Variants in MYO18A observed in about 807,000 individuals in gnomAD.
The protein encoded by MYO18A is unconventional myosin-XVIIIa.
MYO18A carries 78 observed loss-of-function variants against 235.8 expected under a neutral mutation model. The ratio of observed to expected loss-of-function variants is 0.33; its 90% CI spans 0.28 to 0.40. The LOEUF (loss-of-function observed/expected upper bound fraction) is 0.40, where lower values mean the gene tolerates loss of function less well. Ranked by LOEUF, MYO18A falls within the 10% of genes least tolerant of loss-of-function variation. The pLI is 1.00. For missense variants in MYO18A, 2,215 were observed against 2,699.3 expected, an observed-to-expected ratio of 0.82 and a Z score of 3.98; for synonymous variants, 977 against 1,077.8, an observed-to-expected ratio of 0.91 and a Z score of 1.83.
chr17:29,086,692 C>T (rs2066261350), intron 38 of MYO18A, 115 bp from the exon 39 acceptor site: 5 of 1,385,576 alleles, frequency 3.6e-6, no homozygotes, highest in Non-Finnish European at 4.8e-6. Flanking sequence ...AGGGCTGACA[C>T]AGGCTGCCAG....
At chr17:29,156,604 G>A (rs567780416) in intron 2 of MYO18A, among the ~76,000 whole-genome samples, 13 of 152,338 alleles carry the variant, frequency 8.5e-5, no homozygotes, top group Admixed American at 7.2e-4. Flanking sequence ...CTGGAAGACC[G>A]AACAGAGAGA....
chr17:29,093,095 T>C, intron 32 of MYO18A, 94 bp from the exon 33 acceptor site: 3 of 1,472,822 alleles, frequency 2.0e-6, no homozygotes, highest in Non-Finnish European at 2.7e-6. Context: ...TCATTATCAG[T>C]GTCCCCATAA....
At chr17:29,112,311 G>A (rs188442090) in intron 15 of MYO18A, among the ~76,000 whole-genome samples, 25 of 152,346 alleles carry the variant, frequency 1.6e-4, no homozygotes, top group African/African-American at 5.8e-4. Context: ...CAGCTGTGAG[G>A]TTAATCCTGG....
intron 2 of MYO18A, among the ~76,000 whole-genome samples, chr17:29,139,970 A>T (rs2067697587): frequency 2.0e-5 from 3 of 152,152 alleles, no homozygotes; most frequent in Admixed American, 6.5e-5. Context: ...GGAAGAAAAC[A>T]GTGTTCTAAG....
At chr17:29,133,825 T>A in intron 2 of MYO18A, 2 of 1,289,294 alleles carry the variant, frequency 1.6e-6, no homozygotes, top group African/African-American at 1.5e-5. Context: ...CGAACCTTGA[T>A]GAAAAGGCCA....
rs1347075326 is a variant in MYO18A at position 29,072,012 on chromosome 17, T to C, written c.*2758A>G. The C allele has an allele frequency of 1.3e-5, 2 of 152,146 alleles. No homozygotes were observed. The highest frequency in any genetic ancestry group is 2.9e-5 in the Non-Finnish European group (2 of 68,028). The allele number at this position is 152,146 out of a possible 1,614,324, so 9.4% of individuals were successfully genotyped here. On this transcript the variant is annotated 3_prime_UTR_variant, in exon 42 of 42. Coordinates refer to ENST00000527372, the MANE Select transcript of MYO18A (RefSeq NM_078471.4). ...AAGCTTTTTACCCCAGGCCGGGTTA[T>C]TGGAGGTTGATGTTGGAGTTTCCAG...
intron 2 of MYO18A, among the ~76,000 whole-genome samples, chr17:29,124,479 G>A (rs1465445242): frequency 5.9e-5 from 9 of 152,278 alleles, no homozygotes; most frequent in Admixed American, 2.6e-4. Flanking sequence ...TCAAGCTCCC[G>A]GCACTACCTC....
chr17:29,166,910 T>A lies in MYO18A; in HGVS notation c.31A>T (p.Lys11Ter). 1 of 1,548,486 alleles carries A rather than the reference T, an allele frequency of 6.5e-7. No homozygotes were observed. Among genetic ancestry groups the A allele is most frequent in the Non-Finnish European group, 8.7e-7 (1 of 1,144,782 alleles). The change falls in exon 2 of 42, where the codon AAA becomes TAA. Residue 11 changes from lysine to a stop codon, truncating the protein, a stop_gained. Transcript: ENST00000527372. LOFTEE classifies it high-confidence loss of function. MFNLMKKDKD[K>*]DGGRKEKKEK... ...TTCTTCTCCTTCCGCCCGCCATCTT[T>A]GTCCTTGTCTTTCTTCATTAGGTTA... is the stretch of plus-strand genomic sequence containing the variant.
Position 29,074,512 on chromosome 17 carries a change from G to C in MYO18A, c.*258C>G, listed in dbSNP as rs1329893812. 1.7e-6 allele frequency: 1 copy of C among 585,730 alleles called. No homozygotes were observed. Among genetic ancestry groups the C allele is most frequent in the Admixed American group, 3.0e-5 (1 of 33,044 alleles). 36.3% of individuals were successfully genotyped at this position (585,730 alleles called of 1,614,324 possible). A position where few individuals can be genotyped will look rare whatever the true frequency, so the allele number is the denominator to read the frequency against. On this transcript the variant is annotated 3_prime_UTR_variant, in exon 42 of 42. Transcript: ENST00000527372. The surrounding 1 kb of genome is among the most constrained non-coding windows in gnomAD (Gnocchi z 4.4). Reference sequence around the variant, plus strand: ...CCTGCCACTGCCCACGGTGACACAGGGTAGAAGCCAAGAGTCTGGCATTTT... The same window carrying C: ...CCTGCCACTGCCCACGGTGACACAGCGTAGAAGCCAAGAGTCTGGCATTTT...
In MYO18A at chr17:29,074,297, G is replaced by T; in HGVS notation, c.*473C>A. The T allele has an allele frequency of 8.8e-7, 1 of 1,142,610 alleles. No homozygotes were observed. The highest frequency in any genetic ancestry group is 1.2e-6 in the Non-Finnish European group (1 of 815,408). The allele number at this position is 1,142,610 out of a possible 1,614,324, so 70.8% of individuals were successfully genotyped here. On this transcript the variant is annotated 3_prime_UTR_variant, in exon 42 of 42. Transcript: ENST00000527372. This position sits in a 1 kb window ranked among gnomAD's most constrained non-coding sequence, Gnocchi z 4.4. ...AGAGGTTGGGTATTTAAATTAAAAA[G>T]TAGAAAGACAGCAGGCACCAAGAAG...
chr17:29,114,852 T>C, intron 14 of MYO18A, 55 bp downstream of exon 14: 2 of 1,557,058 alleles, frequency 1.3e-6, no homozygotes, highest in Non-Finnish European at 1.7e-6. Context: ...ATGCCCTCGC[T>C]GTGGGTGCCA....
chr17:29,128,503 A>T (rs1397452849), intron 2 of MYO18A: 25 of 1,280,002 alleles, frequency 2.0e-5, no homozygotes, highest in Non-Finnish European at 2.4e-5. Context: ...GAGGCTGAGG[A>T]CTCCTAGATG....
At position 29,110,613 on chromosome 17, in the gene MYO18A, G is replaced by C; in HGVS notation, c.2910C>G (p.Ile970Met). 6.2e-7 allele frequency: 1 copy of C among 1,603,132 alleles called. No individual in the cohort carries two copies. The highest frequency in any genetic ancestry group is 8.5e-7 in the Non-Finnish European group (1 of 1,172,192). ...RLLQDSQKKI[I>M]SNLFLGRAGS... ...CTGCGCGGCCCAGAAACAGGTTGCT[G>C]ATGATTTTTCTGCCAGAGGTGGGAG... The change falls in exon 18 of 42, where the codon ATC (isoleucine) becomes ATG (methionine). Residue 970 changes from isoleucine to methionine, a missense_variant. Coordinates refer to ENST00000527372, the MANE Select transcript of MYO18A (RefSeq NM_078471.4).
chr17:29,170,307 C>T (rs1338098858), intron 1 of MYO18A, among the ~76,000 whole-genome samples: 1 of 152,232 alleles, frequency 6.6e-6, no homozygotes, highest in East Asian at 1.9e-4. Flanking sequence ...CTCTTCCCCA[C>T]TGCCATCCCC....
chr17:29,079,857 C>G, intron 41 of MYO18A: 1 of 985,982 alleles, frequency 1.0e-6, no homozygotes, highest in Non-Finnish European at 1.2e-6. Context: ...CAGCTGGGCC[C>G]TTCTTCACAC....
chr17:29,075,081 A>T, intron 41 of MYO18A, 167 bp from the exon 42 acceptor site: 2 of 725,996 alleles, frequency 2.8e-6, no homozygotes, highest in South Asian at 4.4e-5. Context: ...TCAAAATGCT[A>T]AGAGGAAGGA....
intron 1 of MYO18A, among the ~76,000 whole-genome samples, chr17:29,179,646 A>T (rs1224938588): frequency 2.0e-5 from 3 of 152,052 alleles, no homozygotes; most frequent in African/African-American, 7.2e-5. Flanking sequence ...TGAGGTGAGC[A>T]TTCAGTCTCA....
Position 29,120,987 on chromosome 17 carries a change from C to A in MYO18A, c.1585+11G>T. ...CCCCACTTTCAGTTTTCTCCCTTGTCCCTGCCTCACCAGAAAACACCTTGT... is the reference window on the plus strand; with the variant it reads ...CCCCACTTTCAGTTTTCTCCCTTGTACCTGCCTCACCAGAAAACACCTTGT... On this transcript the variant is annotated intron_variant, in intron 6 of 41. Coordinates refer to ENST00000527372, the MANE Select transcript of MYO18A (RefSeq NM_078471.4). The surrounding 1 kb of genome is among the most constrained non-coding windows in gnomAD (Gnocchi z 4.2). 4.4e-6 allele frequency: 7 copies of A among 1,605,306 alleles called. No homozygotes were observed. The highest frequency in any genetic ancestry group is 5.9e-6 in the Non-Finnish European group (7 of 1,176,548).
At chr17:29,122,439 G>GGCGAGGGTGGGGAAGCTAGGAA (rs2067224768) in intron 2 of MYO18A, among the ~76,000 whole-genome samples, 186 bp from the exon 3 acceptor site, 1 of 152,216 alleles carries the variant, frequency 6.6e-6, no homozygotes, top group Non-Finnish European at 1.5e-5. Flanking sequence ...GAAGCTAGGA[G>GGCGAGGGTGGGGAAGCTAGGAA]GCAAGGGTGG....
Sources: allele counts gnomAD v4.1 joint callset (sites outside exome capture counted in the v4.1 genomes callset), GRCh38; gene constraint gnomAD v4.1.1; non-coding constraint Gnocchi (gnomAD v3.1); transcripts MANE v1.5; gene names NCBI Gene and HGNC (gene_info 2026-07-23, HGNC 2026-07-21).